USP46: variants seen among roughly 807,000 people sequenced by gnomAD.
USP46 encodes ubiquitin specific peptidase 46.
In USP46, 12 loss-of-function variants were observed where a neutral mutation model predicts 44.4. The observed-to-expected ratio is 0.27, with a 90% CI of 0.17 to 0.44. The LOEUF is 0.44. Among genes scored for constraint, USP46 ranks in the 20% least tolerant of loss-of-function variants. USP46 has a pLI of 1.00. For missense variants in USP46, 248 were observed against 444.8 expected (o/e 0.56, Z 3.98); for synonymous variants, 155 against 161.5 (o/e 0.96, Z 0.31).
In USP46 at chr4:52,597,215, A is replaced by G. The variant is rs1716278998; in HGVS notation, c.*425T>C. 6.3e-6 allele frequency: 1 copy of G among 159,982 alleles called. No individual in the cohort carries two copies. Among genetic ancestry groups the G allele is most frequent in the Non-Finnish European group, 1.4e-5 (1 of 73,530 alleles). The allele number at this position is 159,982 out of a possible 1,614,324, so 9.9% of individuals were successfully genotyped here. ...TCCTTGTATCAGAAGAGAGGCAGAG[A>G]AGCTGAAAATGGGTAGCAATGCTTC... On this transcript the variant is annotated 3_prime_UTR_variant, in exon 9 of 9. Coordinates refer to ENST00000441222, the MANE Select transcript of USP46 (RefSeq NM_022832.4).
intron 4 of USP46, among the ~76,000 whole-genome samples, chr4:52,614,283 C>T (rs1717042616): frequency 6.6e-6 from 1 of 151,982 alleles, no homozygotes; most frequent in Admixed American, 6.6e-5. Context: ...TGAGTATTTC[C>T]CAAATTTGGT....
chr4:52,601,151 A>G (rs1392827179), intron 7 of USP46, among the ~76,000 whole-genome samples: 4 of 152,172 alleles, frequency 2.6e-5, no homozygotes, highest in Non-Finnish European at 5.9e-5. Flanking sequence ...TCTAAAACCT[A>G]TGAGGGCAGG....
intron 1 of USP46, among the ~76,000 whole-genome samples, chr4:52,650,108 C>A (rs991715121): frequency 3.9e-5 from 6 of 152,074 alleles, no homozygotes; most frequent in African/African-American, 1.4e-4. Context: ...AGGATTATAC[C>A]CTAAAGAAAT....
At chr4:52,604,639 T>C (rs1220292276) in intron 5 of USP46, 55 bp from the exon 6 acceptor site, 12 of 1,254,000 alleles carry the variant, frequency 9.6e-6, no homozygotes, top group Non-Finnish European at 1.2e-5. Context: ...CTTGGTATAC[T>C]ATGTTTTAAA....
At chr4:52,634,509 C>CAA (rs1167932000) in intron 1 of USP46, among the ~76,000 whole-genome samples, 6 of 66,986 alleles carry the variant, frequency 9.0e-5, no homozygotes, top group African/African-American at 2.1e-4. Context: ...GACTTTGTCT[C>CAA]AAAAAAAAAA....
At chr4:52,643,550 C>A (rs932800396) in intron 1 of USP46, among the ~76,000 whole-genome samples, 1 of 152,216 alleles carries the variant, frequency 6.6e-6, no homozygotes, top group African/African-American at 2.4e-5. Context: ...AGCTTACCAA[C>A]CCCTGTACTA....
At chr4:52,626,326 TA>T in intron 3 of USP46, 79 bp from the exon 4 acceptor site, 2 of 1,269,108 alleles carry the variant, frequency 1.6e-6, no homozygotes, top group African/African-American at 1.5e-5. Flanking sequence ...ATGCCATACT[TA>T]AATATTTTTT....
At chr4:52,622,633 C>T (rs759440924) in intron 4 of USP46, among the ~76,000 whole-genome samples, 23 of 152,060 alleles carry the variant, frequency 1.5e-4, no homozygotes, top group Non-Finnish European at 3.2e-4. Context: ...ATGCTGCATA[C>T]GAAATACATA....
At chr4:52,627,619 TCAACC>T (rs1367528513) in intron 3 of USP46, among the ~76,000 whole-genome samples, 1 of 152,230 alleles carries the variant, frequency 6.6e-6, no homozygotes, top group East Asian at 1.9e-4. Context: ...AATTATTGCA[TCAACC>T]AATTTAGGCC....
At chr4:52,656,040 G>A (rs1343382358) in intron 1 of USP46, among the ~76,000 whole-genome samples, 1 of 152,156 alleles carries the variant, frequency 6.6e-6, no homozygotes, top group Non-Finnish European at 1.5e-5. Flanking sequence ...TCTGGTGGAG[G>A]AAACAAATCC....
At chr4:52,648,136 A>C (rs1718624275) in intron 1 of USP46, among the ~76,000 whole-genome samples, 1 of 152,220 alleles carries the variant, frequency 6.6e-6, no homozygotes, top group Non-Finnish European at 1.5e-5. Context: ...CCCAATCAAC[A>C]GTGGTGTAGA....
At position 52,592,739 on chromosome 4, in the gene USP46, T is replaced by C; in HGVS notation, c.*4901A>G. Reference sequence around the variant, plus strand: ...CTGTAGTCCCAGCTACTTGGGAGGCTGAGGCAGAAGAATCGCTTGAACTCG... The same window carrying C: ...CTGTAGTCCCAGCTACTTGGGAGGCCGAGGCAGAAGAATCGCTTGAACTCG... On this transcript the variant is annotated 3_prime_UTR_variant, in exon 9 of 9. Transcript: ENST00000441222. The C allele has an allele frequency of 7.6e-6, 3 of 396,334 alleles. No individual in the cohort carries two copies. The East Asian group carries it at 1.1e-4, about 14-fold the overall frequency. The allele number at this position is 396,334 out of a possible 1,614,324, so 24.6% of individuals were successfully genotyped here.
intron 5 of USP46, among the ~76,000 whole-genome samples, chr4:52,606,407 G>A (rs566246459): frequency 6.6e-6 from 1 of 152,286 alleles, no homozygotes; most frequent in South Asian, 2.1e-4. Context: ...GTTTCACATA[G>A]CTGGGGAGGC....
In USP46 at chr4:52,631,043, T is replaced by TA. The variant is rs772805622; in HGVS notation, c.117+20dup. 2.6e-6 allele frequency: 4 copies of TA among 1,545,334 alleles called. No individual in the cohort carries two copies. The Admixed American group carries it at 8.0e-5, about 31-fold the overall frequency. Reference sequence around the variant, plus strand: ...TATACCCTAAAACATTTGATGAAAATAATACATTTTACATACTTACATTGA... The same window carrying TA: ...TATACCCTAAAACATTTGATGAAAATAAATACATTTTACATACTTACATTGA... On this transcript the variant is annotated intron_variant, in intron 2 of 8. Transcript: ENST00000441222.
chr4:52,647,971 G>T (rs988278157), intron 1 of USP46, among the ~76,000 whole-genome samples: 9 of 152,238 alleles, frequency 5.9e-5, no homozygotes, highest in African/African-American at 2.2e-4. Flanking sequence ...CTGGAAGAAA[G>T]TGGTAATGCA....
chr4:52,609,898 C>CTTTTTTTTTTTTTTTTT lies in USP46; in HGVS notation c.638+626_638+642dup, dbSNP rs66817554. ...GGAAACCTAAACCTCAATTCTATTT[C>CTTTTTTTTTTTTTTTTT]TTTTTTTTTTTTTTTTTTTTTTTTT... On this transcript the variant is annotated intron_variant, in intron 5 of 8. Transcript: ENST00000441222. 3.3e-4 allele frequency among the ~76,000 whole-genome samples: 8 copies of CTTTTTTTTTTTTTTTTT among 24,588 alleles called. 2 individuals carry two copies. The highest frequency in any genetic ancestry group is 1.0e-3 in the Admixed American group (2 of 1,950). The allele number at this position is 24,588 out of a possible 152,430, so 16.1% of individuals were successfully genotyped here.
rs1719078937 is a variant in USP46, at chr4:52,659,202, G to A, written c.-52C>T. On this transcript the variant is annotated 5_prime_UTR_variant, in exon 1 of 9. Coordinates refer to ENST00000441222, the MANE Select transcript of USP46 (RefSeq NM_022832.4). This position sits in a 1 kb window ranked among gnomAD's most constrained non-coding sequence, Gnocchi z 4.2. ...ACCGCCATCTTTACAAGGGGAAACC[G>A]GGACTGCCCATGGTGGCGCGCTGGC... The A allele has an allele frequency of 6.0e-6, 9 of 1,501,022 alleles. No individual in the cohort carries two copies. Among genetic ancestry groups the A allele is most frequent in the South Asian group, 1.3e-5 (1 of 78,032 alleles). 93.0% of individuals were successfully genotyped at this position (1,501,022 alleles called of 1,614,324 possible). A position where few individuals can be genotyped will look rare whatever the true frequency, so the allele number is the denominator to read the frequency against.
In USP46 at chr4:52,591,952, C is replaced by T. The variant is rs1465779417; in HGVS notation, c.*5688G>A. 6.6e-6 allele frequency: 1 copy of T among 152,048 alleles called. No individual in the cohort carries two copies. 9.4% of individuals were successfully genotyped at this position (152,048 alleles called of 1,614,324 possible). On this transcript the variant is annotated 3_prime_UTR_variant, in exon 9 of 9. Transcript: ENST00000441222. ...GTGAAGTTCATTGTTGCAACATAAT[C>T]GATTTATACTTTGTTTTTCAAAATG...
At chr4:52,658,995 T>C (rs1719066828) in intron 1 of USP46, 120 bp downstream of exon 1, 4 of 1,270,330 alleles carry the variant, frequency 3.1e-6, no homozygotes, top group Non-Finnish European at 4.1e-6. Flanking sequence ...CGGGAACTTC[T>C]GGCGGCGCGG....
Sources: gnomAD v4.1 joint callset for allele counts (sites outside exome capture counted in the v4.1 genomes callset) on GRCh38, gnomAD v4.1.1 for gene constraint, Gnocchi (gnomAD v3.1) non-coding constraint, MANE v1.5 for transcripts, NCBI Gene and HGNC (gene_info 2026-07-23, HGNC 2026-07-21) for gene names.